GAL3ST4: variants seen among roughly 807,000 people sequenced by gnomAD.
GAL3ST4 encodes the protein galactose-3-O-sulfotransferase 4, also known as beta-galactose-3-O-sulfotransferase 4.
A neutral mutation model predicts 31.6 loss-of-function variants in GAL3ST4; 30 were observed. That is an observed-to-expected ratio of 0.95 (90% CI 0.71 to 1.29). GAL3ST4 has a LOEUF of 1.29. Among genes scored for constraint, GAL3ST4 ranks in the 50% most tolerant of loss-of-function variants. The pLI, the probability that GAL3ST4 is intolerant of heterozygous loss-of-function variation, is 0.00. For synonymous variants in GAL3ST4, 248 were observed against 256.9 expected, an observed-to-expected ratio of 0.97 and a Z score of 0.33; for missense variants, 629 against 625.2, an observed-to-expected ratio of 1.01 and a Z score of -0.06.
rs563252481 is a variant in GAL3ST4, at chr7:100,165,441, G to T, written c.429+1061C>A. On this transcript the variant is annotated intron_variant, in intron 3 of 3. Transcript: ENST00000360039. ...CCACCTTGGTCTCCCAAAGTGCTGG[G>T]CTTAGTCCCGGGCTAAAAATACAGC... Among the ~76,000 whole-genome samples, 12 of 152,304 alleles carry T rather than the reference G, an allele frequency of 7.9e-5. No individual in the cohort carries two copies. In the South Asian group the frequency reaches 2.5e-3, roughly 32 times the overall value.
chr7:100,167,086 G>C lies in GAL3ST4; in HGVS notation c.10C>G (p.Leu4Val), dbSNP rs770168383. The change falls in exon 2 of 4, where the codon CTC (leucine) becomes GTC (valine). Residue 4 changes from leucine (L) to valine (V), a missense_variant. By Grantham distance (32) the Leu-to-Val change is conservative. Transcript: ENST00000360039. Reference protein sequence around the residue: MGPLSPARTLRLWG... With the variant: MGPVSPARTLRLWG... ...AGCCGCAGCGTCCTGGCAGGAGAGA[G>C]AGGGCCCATGTGGCACAGGGAAGGG... is the stretch of plus-strand genomic sequence containing the variant. 6.4e-7 allele frequency: 1 copy of C among 1,554,528 alleles called. No homozygotes were observed.
Position 100,160,169 on chromosome 7 carries a change from C to G in GAL3ST4, c.1220G>C (p.Cys407Ser). 1.2e-6 allele frequency: 2 copies of G among 1,614,038 alleles called. No homozygotes were observed. The highest frequency in any genetic ancestry group is 1.7e-6 in the Non-Finnish European group (2 of 1,179,936). ...GTCAGAAGCCTCACCCCCTACCAGA[C>G]AATGTTTCGCTAGGGCCTCTCGGCG... ...RARREALAKH[C>S]LVGGEASDPK... Residue 407 changes from cysteine (C) to serine (S), a missense_variant, in exon 4 of 4, where the codon TGT (cysteine) becomes TCT (serine). Cys to Ser is a moderately radical substitution (Grantham distance 112). Coordinates refer to ENST00000360039, the MANE Select transcript of GAL3ST4 (RefSeq NM_024637.5).
Position 100,160,595 on chromosome 7 carries a change from G to C in GAL3ST4, c.794C>G (p.Thr265Ser). 6.2e-7 allele frequency: 1 copy of C among 1,613,830 alleles called. No homozygotes were observed. Among genetic ancestry groups the C allele is most frequent in the Non-Finnish European group, 8.5e-7 (1 of 1,180,050 alleles). Reference protein sequence around the residue: ...NPNALIHPVSTVTDHRSQISS... With the variant: ...NPNALIHPVSSVTDHRSQISS... ...TATCTGGCTGCGATGATCAGTAACA[G>C]TGGAAACAGGATGGATGAGGGCATT... The change falls in exon 4 of 4, where the codon ACT (threonine) becomes AGT (serine). Residue 265 changes from threonine to serine, a missense_variant. Transcript: ENST00000360039.
Position 100,166,649 on chromosome 7 carries a change from C to T in GAL3ST4, c.282G>A (p.Gly94=), listed in dbSNP as rs200470063. ...AGCGGGCAGGGAGGGCGAAGCGCAG[C>T]CCGTGCTGGTCCCCATAGCGGTGAA... ...SLLHRYGDQH[G]LRFALPARYQ... The change falls in exon 3 of 4, where the codon GGG becomes GGA. Residue 94 remains glycine (G), a synonymous_variant. Coordinates refer to ENST00000360039, the MANE Select transcript of GAL3ST4 (RefSeq NM_024637.5). 1,368 of 1,614,236 alleles carry T rather than the reference C, an allele frequency of 8.5e-4. 1 individual carries two copies. The highest frequency in any genetic ancestry group is 1.1e-3 in the Non-Finnish European group (1,302 of 1,180,034).
intron 3 of GAL3ST4, among the ~76,000 whole-genome samples, chr7:100,162,737 T>C (rs985806402): frequency 4.0e-5 from 6 of 149,982 alleles, no homozygotes; most frequent in Non-Finnish European, 8.9e-5. Context: ...AAAACCTAGA[T>C]GACAGGTTGA....
rs143955532 is a variant in GAL3ST4 at position 100,168,003 on chromosome 7, G to GACACACACACACACACACACACACAC, written c.-189+542_-189+543insGTGTGTGTGTGTGTGTGTGTGTGTGT. On this transcript the variant is annotated intron_variant, in intron 1 of 3. Transcript: ENST00000360039. The surrounding 1 kb of genome is among the most constrained non-coding windows in gnomAD (Gnocchi z 4.1). ...CTGGAGAGGGAGACAGAAAGAGAGA[G>GACACACACACACACACACACACACAC]AGACACACACACACACACACACACA... 2.3e-4 allele frequency: 34 copies of GACACACACACACACACACACACACAC among 144,938 alleles called. No individual in the cohort carries two copies. The highest frequency in any genetic ancestry group is 8.8e-4 in the African/African-American group (32 of 36,450). 9.0% of individuals were successfully genotyped at this position (144,938 alleles called of 1,614,324 possible).
intron 3 of GAL3ST4, among the ~76,000 whole-genome samples, 173 bp downstream of exon 3, chr7:100,166,327 CTG>C (rs1375225323): frequency 6.6e-6 from 1 of 152,192 alleles, no homozygotes; most frequent in Non-Finnish European, 1.5e-5. Context: ...CCAGAAACTA[CTG>C]GGGAAGGGAC....
intron 3 of GAL3ST4, among the ~76,000 whole-genome samples, chr7:100,165,717 A>C (rs1365455992): frequency 6.6e-6 from 1 of 151,730 alleles, no homozygotes; most frequent in Non-Finnish European, 1.5e-5. Flanking sequence ...GCTAGTTGGG[A>C]GGCTGAGGTG....
rs1292881306 is a variant in GAL3ST4, at chr7:100,168,380, C to A, written c.-189+166G>T. ...CTATCCAGAGTTCTTCATTTCCTTC[C>A]ATCCATCTCTCCCTTCCCATGATTG... On this transcript the variant is annotated intron_variant, in intron 1 of 3. Coordinates refer to ENST00000360039, the MANE Select transcript of GAL3ST4 (RefSeq NM_024637.5). The surrounding 1 kb of genome is among the most constrained non-coding windows in gnomAD (Gnocchi z 4.1). 6.6e-6 allele frequency among the ~76,000 whole-genome samples: 1 copy of A among 152,204 alleles called. No individual in the cohort carries two copies. Among genetic ancestry groups the A allele is most frequent in the African/African-American group, 2.4e-5 (1 of 41,450 alleles).
Position 100,159,974 on chromosome 7 carries a change from G to A in GAL3ST4, c.1415C>T (p.Pro472Leu), listed in dbSNP as rs1263279724. 1 of 1,613,256 alleles carries A rather than the reference G, an allele frequency of 6.2e-7. No homozygotes were observed. The highest frequency in any genetic ancestry group is 1.7e-5 in the Admixed American group (1 of 59,936). ...KDKLDAKQFP[P>L]TVSLPLKTSR... ...AGTCTTGAGGGGCAGTGAGACGGTA[G>A]GGGGGAACTGCTTGGCATCCAGCTT... The change falls in exon 4 of 4, where the codon CCT becomes CTT. Residue 472 changes from proline to leucine, a missense_variant. By Grantham distance (98) the Pro-to-Leu change is moderately conservative. Transcript: ENST00000360039.
intron 3 of GAL3ST4, among the ~76,000 whole-genome samples, chr7:100,161,210 C>T (rs544984221): frequency 6.6e-6 from 1 of 152,234 alleles, no homozygotes; most frequent in East Asian, 1.9e-4. Flanking sequence ...ATAAAACATA[C>T]AAGAAATCTG....
In GAL3ST4 at chr7:100,167,078, A is replaced by C. The variant is rs888203216; in HGVS notation, c.18T>G (p.Pro6=). 4.8e-5 allele frequency: 74 copies of C among 1,554,984 alleles called. No homozygotes were observed. Among genetic ancestry groups the C allele is most frequent in the Non-Finnish European group, 6.4e-5 (73 of 1,148,642 alleles). ...GTCCCCAGAGCCGCAGCGTCCTGGC[A>C]GGAGAGAGAGGGCCCATGTGGCACA... MGPLS[P]ARTLRLWGPR... The change falls in exon 2 of 4, where the codon CCT becomes CCG. Residue 6 remains proline, a synonymous_variant. Coordinates refer to ENST00000360039, the MANE Select transcript of GAL3ST4 (RefSeq NM_024637.5).
At chr7:100,161,916 G>C (rs567487394) in intron 3 of GAL3ST4, among the ~76,000 whole-genome samples, 30 of 151,974 alleles carry the variant, frequency 2.0e-4, no homozygotes, top group Admixed American at 6.6e-4. Flanking sequence ...GAGTTGAACA[G>C]TGAGAACACA....
rs1798955322 is a variant in GAL3ST4 at position 100,159,257 on chromosome 7, A to G, written c.*671T>C. The G allele has an allele frequency of 6.6e-6, 1 of 152,180 alleles. No individual in the cohort carries two copies. The highest frequency in any genetic ancestry group is 1.5e-5 in the Non-Finnish European group (1 of 68,038). 9.4% of individuals were successfully genotyped at this position (152,180 alleles called of 1,614,324 possible). On this transcript the variant is annotated 3_prime_UTR_variant, in exon 4 of 4. Coordinates refer to ENST00000360039, the MANE Select transcript of GAL3ST4 (RefSeq NM_024637.5). ...ATAAATCAAGTAGAAGTTTCAAATTATTTATTCATTCAACAAACATGTCAG... is the reference window on the plus strand; with the variant it reads ...ATAAATCAAGTAGAAGTTTCAAATTGTTTATTCATTCAACAAACATGTCAG...
Position 100,160,239 on chromosome 7 carries a change from AT to A in GAL3ST4, c.1149del (p.Lys383AsnfsTer21). 6.2e-7 allele frequency: 1 copy of A among 1,614,046 alleles called. No individual in the cohort carries two copies. Among genetic ancestry groups the A allele is most frequent in the Non-Finnish European group, 8.5e-7 (1 of 1,180,020 alleles). ...GCTGTCTGCAGCCGGCCCTGGCCGT[AT>A]TTCTCTATCCGTGCCCAGAGACTGC... ...FNRSLWARIE[K>X]YGQGRLQTAV... On this transcript the variant is annotated frameshift_variant, in exon 4 of 4. Coordinates refer to ENST00000360039, the MANE Select transcript of GAL3ST4 (RefSeq NM_024637.5). LOFTEE classifies it high-confidence loss of function.
chr7:100,161,312 G>A (rs1013985189), intron 3 of GAL3ST4, among the ~76,000 whole-genome samples: 3 of 151,704 alleles, frequency 2.0e-5, no homozygotes, highest in South Asian at 2.1e-4. Context: ...CTATGTTGCC[G>A]AGGCCAGCCT....
intron 1 of GAL3ST4, 46 bp from the exon 2 acceptor site, chr7:100,167,329 G>T (rs1799091186): frequency 9.8e-7 from 1 of 1,017,206 alleles, no homozygotes; most frequent in Non-Finnish European, 1.4e-6. Context: ...AAGGAGAGAG[G>T]CAGAGGCAGC....
At position 100,162,905 on chromosome 7, in the gene GAL3ST4, A is replaced by C. The variant is rs138369068; in HGVS notation, c.430-1946T>G. 9.3e-4 allele frequency among the ~76,000 whole-genome samples: 141 copies of C among 152,142 alleles called. 1 individual carries two copies. In the East Asian group the frequency reaches 0.023, roughly 25 times the overall value. Reference sequence around the variant, plus strand: ...AAAAAAAAGAAAAAGAAAAAAAAAGAAAGAAGGGAGGGACGGAAACCTGGA... The same window carrying C: ...AAAAAAAAGAAAAAGAAAAAAAAAGCAAGAAGGGAGGGACGGAAACCTGGA... On this transcript the variant is annotated intron_variant, in intron 3 of 3. Transcript: ENST00000360039.
At chr7:100,163,776 C>A (rs1338627066) in intron 3 of GAL3ST4, among the ~76,000 whole-genome samples, 1 of 152,070 alleles carries the variant, frequency 6.6e-6, no homozygotes, top group East Asian at 1.9e-4. Context: ...CTCAAGTAAT[C>A]CTCTCACCTC....
Sources: gnomAD v4.1 joint callset for allele counts (sites outside exome capture counted in the v4.1 genomes callset) on GRCh38, gnomAD v4.1.1 for gene constraint, Gnocchi (gnomAD v3.1) non-coding constraint, MANE v1.5 for transcripts, NCBI Gene and HGNC (gene_info 2026-07-23, HGNC 2026-07-21) for gene names.